USP4: variants seen among roughly 807,000 people sequenced by gnomAD.
USP4 encodes ubiquitin specific peptidase 4.
A neutral mutation model predicts 118.2 loss-of-function variants in USP4; 72 were observed. That is an observed-to-expected ratio of 0.61 (90% CI 0.50 to 0.74). The LOEUF (loss-of-function observed/expected upper bound fraction) is 0.74, where lower values mean the gene tolerates loss of function less well. Ranked by LOEUF, USP4 falls within the 30% of genes least tolerant of loss-of-function variation. The pLI is 0.00. For missense variants in USP4, 1,037 were observed against 1,185.7 expected, an observed-to-expected ratio of 0.87 and a Z score of 1.84; for synonymous variants, 415 against 440.4, an observed-to-expected ratio of 0.94 and a Z score of 0.72.
intron 7 of USP4, 99 bp from the exon 8 acceptor site, chr3:49,310,836 G>T: frequency 1.1e-6 from 1 of 903,854 alleles, no homozygotes; most frequent in Non-Finnish European, 1.8e-6. Flanking sequence ...GAACTTGTGT[G>T]GTAGTAAGCC....
At chr3:49,309,943 CT>C (rs773669515) in intron 8 of USP4, among the ~76,000 whole-genome samples, 14 of 40,228 alleles carry the variant, frequency 3.5e-4, no homozygotes, top group African/African-American at 4.6e-4. Context: ...TTTTTTTAAT[CT>C]TTTTTTTTTT....
intron 19 of USP4, among the ~76,000 whole-genome samples, chr3:49,281,505 C>CAT (rs2047027438): frequency 6.8e-6 from 1 of 147,556 alleles, no homozygotes; most frequent in Admixed American, 6.7e-5. Flanking sequence ...CACACACACA[C>CAT]ACACACACAC....
At chr3:49,306,502 C>T (rs2047320124) in intron 8 of USP4, among the ~76,000 whole-genome samples, 1 of 151,682 alleles carries the variant, frequency 6.6e-6, no homozygotes, top group Non-Finnish European at 1.5e-5. Flanking sequence ...CGCGCCCAGC[C>T]TTTTTCATTA....
At chr3:49,316,853 A>G (rs1455174830) in intron 6 of USP4, 3 of 576,258 alleles carry the variant, frequency 5.2e-6, no homozygotes, top group East Asian at 5.8e-5. Context: ...GGCCCCTTGC[A>G]GAGCTGACCT....
chr3:49,310,173 C>A (rs1482072247), intron 8 of USP4, among the ~76,000 whole-genome samples: 3 of 151,758 alleles, frequency 2.0e-5, no homozygotes, highest in African/African-American at 7.3e-5. Flanking sequence ...GATCCACCCG[C>A]CTCTGCCTCC....
chr3:49,279,483 C>T (rs1264169812), intron 20 of USP4, among the ~76,000 whole-genome samples: 1 of 152,114 alleles, frequency 6.6e-6, no homozygotes, highest in Admixed American at 6.6e-5. Flanking sequence ...AACTAGGAGT[C>T]CAGAGTCTGT....
rs552582927 is a variant in USP4, at chr3:49,302,754, C to G, written c.1129-212G>C. Among the ~76,000 whole-genome samples, 16 of 152,244 alleles carry G rather than the reference C, an allele frequency of 1.1e-4. No homozygotes were observed. The East Asian group carries it at 3.1e-3, about 29-fold the overall frequency. On this transcript the variant is annotated intron_variant, in intron 9 of 21. Coordinates refer to ENST00000265560, the MANE Select transcript of USP4 (RefSeq NM_003363.4). ...TAGATCAGAGAGCCAGGAGGATGAACCTGGAACCTGGGCCACTGCCCTAAG... is the reference window on the plus strand; with the variant it reads ...TAGATCAGAGAGCCAGGAGGATGAAGCTGGAACCTGGGCCACTGCCCTAAG...
intron 6 of USP4, chr3:49,314,107 G>T (rs1236713029): frequency 1.3e-5 from 2 of 152,160 alleles, no homozygotes; most frequent in East Asian, 3.8e-4. Flanking sequence ...TGACTAAGAA[G>T]ATGTACTGTT....
Position 49,310,661 on chromosome 3 carries a change from C to T in USP4, c.913G>A (p.Gly305Arg). 7 of 1,614,174 alleles carry T rather than the reference C, an allele frequency of 4.3e-6. No individual in the cohort carries two copies. Among genetic ancestry groups the T allele is most frequent in the Non-Finnish European group, 5.1e-6 (6 of 1,180,026 alleles). ...SHIQPGLCGL[G>R]NLGNTCFMNS... ...ATGAAGCAGGTGTTTCCCAGGTTTC[C>T]AAGTCCACAGAGCCCAGGTTGTATA... is the stretch of plus-strand genomic sequence containing the variant. Residue 305 changes from glycine to arginine, a missense_variant, in exon 8 of 22, where the codon GGA becomes AGA. By Grantham distance (125) the Gly-to-Arg change is moderately radical. Transcript: ENST00000265560.
chr3:49,311,490 CAG>C (rs773178068), intron 7 of USP4, 22 bp downstream of exon 7: 2 of 1,609,858 alleles, frequency 1.2e-6, no homozygotes, highest in South Asian at 1.1e-5. Flanking sequence ...GGAAAGGAAG[CAG>C]AGTGAAAGGA....
At chr3:49,321,894 C>T (rs1559477825) in intron 6 of USP4, among the ~76,000 whole-genome samples, 1 of 152,072 alleles carries the variant, frequency 6.6e-6, no homozygotes, top group Non-Finnish European at 1.5e-5. Flanking sequence ...ACTCAGGAGG[C>T]TGAGGCACAG....
intron 2 of USP4, among the ~76,000 whole-genome samples, chr3:49,330,966 C>T (rs1489386214): frequency 1.3e-5 from 2 of 148,508 alleles, no homozygotes; most frequent in Admixed American, 6.7e-5. Flanking sequence ...TGCAGTGAGC[C>T]GAGATCGCGC....
Position 49,278,154 on chromosome 3 carries a change from TTG to T in USP4, c.*137_*138del. The T allele has an allele frequency of 2.6e-5, 24 of 929,358 alleles. No homozygotes were observed. Among genetic ancestry groups the T allele is most frequent in the South Asian group, 2.0e-4 (7 of 34,560 alleles). The allele number at this position is 929,358 out of a possible 1,614,324, so 57.6% of individuals were successfully genotyped here. A position where few individuals can be genotyped will look rare whatever the true frequency, so the allele number is the denominator to read the frequency against. On this transcript the variant is annotated 3_prime_UTR_variant, in exon 22 of 22. Transcript: ENST00000265560. ...GGTAAACGGTCTTCTTTTTTTTTTT[TTG>T]TTTCCTTCTGCTCATAAAAGAAGGG...
chr3:49,306,134 C>G (rs1401276301), intron 8 of USP4, among the ~76,000 whole-genome samples: 1 of 151,260 alleles, frequency 6.6e-6, no homozygotes. Flanking sequence ...AAGACTTTGT[C>G]TCTGAAAAAA....
chr3:49,303,608 GC>G (rs1424924868), intron 9 of USP4, among the ~76,000 whole-genome samples: 2 of 152,092 alleles, frequency 1.3e-5, no homozygotes, highest in Non-Finnish European at 2.9e-5. Context: ...GCTCAGAGGT[GC>G]TTGAGCTGGT....
chr3:49,294,649 A>G, intron 13 of USP4, 51 bp from the exon 14 acceptor site: 1 of 1,559,162 alleles, frequency 6.4e-7, no homozygotes, highest in Non-Finnish European at 8.8e-7. Context: ...CTTGTGAACA[A>G]CAGAGATCTG....
rs138851995 is a variant in USP4, at chr3:49,324,991, C to A, written c.536G>T (p.Arg179Leu). The A allele has an allele frequency of 3.1e-6, 5 of 1,613,870 alleles. No homozygotes were observed. In the Admixed American group the frequency reaches 5.0e-5, roughly 16 times the overall value. The change falls in exon 5 of 22, where the codon CGT (arginine) becomes CTT (leucine). Residue 179 changes from arginine to leucine, a missense_variant. Around this residue, in one of 3 missense-constraint regions of USP4, gnomAD observed 487 missense variants for 534.1 expected, o/e 0.91. Coordinates refer to ENST00000265560, the MANE Select transcript of USP4 (RefSeq NM_003363.4). ...GTATTTGTTCCAGAGCCGTGTTTCA[C>A]GCTCCGCAGGGATGTTGAATAGCTT... ...MRKLFNIPAE[R>L]ETRLWNKYMS...
chr3:49,324,845 C>T (rs2047535065), intron 5 of USP4, 49 bp downstream of exon 5: 1 of 1,613,878 alleles, frequency 6.2e-7, no homozygotes, highest in Non-Finnish European at 8.5e-7. Context: ...TATCTGGCCA[C>T]ACACCCTGGG....
intron 6 of USP4, chr3:49,317,544 T>G (rs1169881760): frequency 1.8e-3 from 98 of 54,776 alleles, no homozygotes; most frequent in South Asian, 0.015. Flanking sequence ...GTTTGTTTGT[T>G]TTTTTTTTTT....
Sources: allele counts gnomAD v4.1 joint callset (sites outside exome capture counted in the v4.1 genomes callset), GRCh38; gene constraint gnomAD v4.1.1; regional missense constraint gnomAD v4.1.1; transcripts MANE v1.5; gene names NCBI Gene and HGNC (gene_info 2026-07-23, HGNC 2026-07-21).